NLGN3: variants seen among roughly 807,000 people sequenced by gnomAD.
The protein encoded by NLGN3 is neuroligin-3.
NLGN3 carries 11 observed loss-of-function variants against 42.9 expected under a neutral mutation model. The observed-to-expected ratio is 0.26, with a 90% CI of 0.16 to 0.42. The LOEUF (loss-of-function observed/expected upper bound fraction) is 0.42, where lower values mean the gene tolerates loss of function less well. Ranked by LOEUF, NLGN3 falls within the 10% of genes least tolerant of loss-of-function variation. The probability of loss-of-function intolerance (pLI) is 1.00; values close to 1 mark genes in which losing one functional copy is unlikely to be tolerated. For missense variants in NLGN3, 374 were observed against 733.8 expected (o/e 0.51, Z 5.67); for synonymous variants, 279 against 312.7 (o/e 0.89, Z 1.14).
At chrX:71,169,139 G>A in intron 7 of NLGN3, 115 bp from the exon 8 acceptor site, 1 of 879,092 alleles carries the variant, frequency 1.1e-6, no homozygotes, top group Non-Finnish European at 1.6e-6. Flanking sequence ...TGAAAAAGAT[G>A]GAAATGGTGG....
At chrX:71,157,785 T>C (rs1461179453) in intron 5 of NLGN3, among the ~76,000 whole-genome samples, 2 of 111,150 alleles carry the variant, frequency 1.8e-5, no homozygotes, top group Non-Finnish European at 3.8e-5. Flanking sequence ...GGGTTCAAAC[T>C]GCAGAAATGA....
intron 6 of NLGN3, 129 bp downstream of exon 6, chrX:71,164,457 G>A: frequency 1.6e-6 from 1 of 629,333 alleles, no homozygotes; most frequent in Middle Eastern, 3.7e-4. Context: ...CCTTTGGCAA[G>A]AAGTGGAAGA....
At chrX:71,167,924 C>T (rs1353663514) in intron 7 of NLGN3, 124 bp downstream of exon 7, 17 of 610,761 alleles carry the variant, frequency 2.8e-5, no homozygotes, top group Non-Finnish European at 4.6e-5. Flanking sequence ...GCTTGGTACC[C>T]CTTCACTCAT....
chrX:71,146,139 T>G (rs2092366332), intron 1 of NLGN3, among the ~76,000 whole-genome samples: 1 of 52,025 alleles, frequency 1.9e-5, no homozygotes, highest in Non-Finnish European at 3.0e-5. Context: ...TCTCTCTCTC[T>G]CTCTCTCTCT....
At position 71,167,132 on chromosome X, in the gene NLGN3, C is replaced by T. The variant is rs755705707; in HGVS notation, c.1035C>T (p.Thr345=). The T allele has an allele frequency of 3.6e-5, 43 of 1,210,198 alleles. No individual in the cohort carries two copies. Among genetic ancestry groups the T allele is most frequent in the South Asian group, 1.1e-4 (6 of 56,819 alleles). ...AAGTGGGCTGTAATGTGCTGGACACCGTGGATATGGTGGACTGTCTTCGGC... is the reference window on the plus strand; with the variant it reads ...AAGTGGGCTGTAATGTGCTGGACACTGTGGATATGGTGGACTGTCTTCGGC... The part of the protein sequence containing the change: ...ADKVGCNVLD[T]VDMVDCLRQK... The change falls in exon 7 of 8, where the codon ACC becomes ACT. Residue 345 remains threonine (T), a synonymous_variant. Coordinates refer to ENST00000358741, the MANE Select transcript of NLGN3 (RefSeq NM_181303.2).
intron 4 of NLGN3, among the ~76,000 whole-genome samples, chrX:71,154,154 C>T (rs1218483929): frequency 8.8e-5 from 10 of 113,189 alleles, no homozygotes; most frequent in Non-Finnish European, 1.7e-4. Flanking sequence ...CAGGACACCA[C>T]AGCCATCAAT....
chrX:71,160,555 A>C (rs2092426642), intron 5 of NLGN3, among the ~76,000 whole-genome samples: 1 of 112,055 alleles, frequency 8.9e-6, no homozygotes, highest in African/African-American at 3.2e-5. Flanking sequence ...TGATTCATGA[A>C]TGTTGAGAAT....
At chrX:71,173,937 G>T (rs1306468842), downstream of NLGN3, among the ~76,000 whole-genome samples, 13 of 111,835 alleles carry the variant, frequency 1.2e-4, no homozygotes, top group Admixed American at 1.2e-3. Context: ...GGAAACCTCA[G>T]CCAAATCATG....
intron 4 of NLGN3, among the ~76,000 whole-genome samples, chrX:71,154,834 T>C (rs2092402939): frequency 1.8e-5 from 2 of 111,499 alleles, no homozygotes; most frequent in South Asian, 3.8e-4. Flanking sequence ...TCTAAAGCCA[T>C]GTCAGGTCCC....
rs774015992 is a variant in NLGN3 at position 71,168,884 on chromosome X, G to GAAAGAAAGAAA, written c.1704-369_1704-368insAAGAAAGAAAA. Among the ~76,000 whole-genome samples the GAAAGAAAGAAA allele has an allele frequency of 7.0e-5, 5 of 71,581 alleles. No individual in the cohort carries two copies. In the Admixed American group the frequency reaches 8.0e-4, roughly 12 times the overall value. 62.2% of individuals were successfully genotyped at this position (71,581 alleles called of 115,157 possible). ...AAGAAAGAAAGAGAAAGAAAAGAAA[G>GAAAGAAAGAAA]AGAAAGAAAGAAAGAAAGAAAAAGA... On this transcript the variant is annotated intron_variant, in intron 7 of 7. Transcript: ENST00000358741.
chrX:71,148,201 A>G lies in NLGN3; in HGVS notation c.452A>G (p.Glu151Gly). ...TACCTGAACGTCTATGTGCCGACGG[A>G]GGATGGTGAGTGCTGCGGCCAGGCA... is the stretch of plus-strand genomic sequence containing the variant. Reference protein sequence around the residue: ...CLYLNVYVPTEDVKRISKECA... With the variant: ...CLYLNVYVPTGDVKRISKECA... Residue 151 changes from glutamate to glycine, a missense_variant, in exon 2 of 8, where the codon GAG (glutamate) becomes GGG (glycine). By Grantham distance (98) the Glu-to-Gly change is moderately conservative. Coordinates refer to ENST00000358741, the MANE Select transcript of NLGN3 (RefSeq NM_181303.2). The G allele has an allele frequency of 1.7e-6, 2 of 1,206,479 alleles. No individual in the cohort carries two copies. Among genetic ancestry groups the G allele is most frequent in the Non-Finnish European group, 2.2e-6 (2 of 890,714 alleles).
intron 7 of NLGN3, 145 bp downstream of exon 7, chrX:71,167,945 C>T (rs1177841352): frequency 1.1e-5 from 6 of 541,736 alleles, no homozygotes; most frequent in Non-Finnish European, 1.6e-5. Flanking sequence ...CTTCCTATCT[C>T]CCCTTCCTGA....
intron 5 of NLGN3, among the ~76,000 whole-genome samples, chrX:71,160,675 A>C (rs2147891626): frequency 8.9e-6 from 1 of 112,449 alleles, no homozygotes; most frequent in African/African-American, 3.2e-5. Context: ...AGGATATAGG[A>C]TGTGGAAATC....
rs55840427 is a variant in NLGN3, at chrX:71,168,821, A to AAAGAAAGAAAG, written c.1704-431_1704-430insGAAAGAAAGAA. Among the ~76,000 whole-genome samples the AAAGAAAGAAAG allele has an allele frequency of 1.3e-3, 89 of 69,355 alleles. 1 individual carries two copies. The highest frequency in any genetic ancestry group is 1.6e-3 in the Non-Finnish European group (63 of 40,595). 60.2% of individuals were successfully genotyped at this position (69,355 alleles called of 115,157 possible). On this transcript the variant is annotated intron_variant, in intron 7 of 7. Transcript: ENST00000358741. ...GAGAGAAAGAAAGAAAGAGAAAAAA[A>AAAGAAAGAAAG]AAAGAAAGAAAGAAAGAAAGAAAGA...
At chrX:71,155,412 G>A in intron 5 of NLGN3, 49 bp downstream of exon 5, 1 of 1,184,914 alleles carries the variant, frequency 8.4e-7, no homozygotes, top group African/African-American at 1.7e-5. Flanking sequence ...TTCGCAAGGG[G>A]GGAGGAAAGA....
In NLGN3 at chrX:71,147,801, G is replaced by T; in HGVS notation, c.52G>T (p.Val18Phe). The change falls in exon 2 of 8, where the codon GTT becomes TTT. Residue 18 changes from valine to phenylalanine, a missense_variant. Physicochemically the swap from Val to Phe is conservative, Grantham distance 50 (BLOSUM62 -1). This residue lies in a region of NLGN3 where 109 missense variants were observed against 173.3 expected (regional missense o/e 0.63). Transcript: ENST00000358741. ...GCTGTCCCTGAGCCCCAAGCCCACG[G>T]TTGGCAGGAGCCTGTGCCTCACCCT... Reference protein sequence around the residue: ...PSLSLSPKPTVGRSLCLTLWF... With the variant: ...PSLSLSPKPTFGRSLCLTLWF... 8.3e-7 allele frequency: 1 copy of T among 1,210,326 alleles called. No individual in the cohort carries two copies. The highest frequency in any genetic ancestry group is 1.1e-6 in the Non-Finnish European group (1 of 894,999).
intron 3 of NLGN3, among the ~76,000 whole-genome samples, chrX:71,151,958 G>A (rs1368120946): frequency 1.8e-5 from 2 of 111,923 alleles, no homozygotes; most frequent in African/African-American, 3.2e-5. Flanking sequence ...AGGTGCCACC[G>A]GAAGTTCAGG....
chrX:71,147,740 T>G lies in NLGN3; in HGVS notation c.-10T>G. ...AGTCTGCCTCTCCTGCCAGTCCCCC[T>G]GCCCGGAACATGTGGCTGCGGCTTG... On this transcript the variant is annotated 5_prime_UTR_variant, in exon 2 of 8. Coordinates refer to ENST00000358741, the MANE Select transcript of NLGN3 (RefSeq NM_181303.2). 1 of 1,203,158 alleles carries G rather than the reference T, an allele frequency of 8.3e-7. No homozygotes were observed. The highest frequency in any genetic ancestry group is 1.1e-6 in the Non-Finnish European group (1 of 891,331).
chrX:71,164,064 T>C, intron 5 of NLGN3, 79 bp from the exon 6 acceptor site: 3 of 959,720 alleles, frequency 3.1e-6, no homozygotes, highest in Non-Finnish European at 4.4e-6. Context: ...CCACCTCCCC[T>C]GTTGACCCTG....
Sources: gnomAD v4.1 joint callset for allele counts (sites outside exome capture counted in the v4.1 genomes callset) on GRCh38, gnomAD v4.1.1 for gene constraint, gnomAD v4.1.1 regional missense constraint, MANE v1.5 for transcripts, NCBI Gene and HGNC (gene_info 2026-07-23, HGNC 2026-07-21) for gene names.